The following IFI30 variants were observed in gnomAD, a reference collection of about 807,000 sequenced individuals.
The protein encoded by IFI30 is IFI30 lysosomal thiol reductase, also known as gamma-interferon-inducible lysosomal thiol reductase.
A neutral mutation model predicts 30.1 loss-of-function variants in IFI30; 26 were observed. The ratio of observed to expected loss-of-function variants is 0.87; its 90% confidence interval spans 0.63 to 1.20. The LOEUF (loss-of-function observed/expected upper bound fraction) is 1.20, where lower values mean the gene tolerates loss of function less well. Among genes scored for constraint, IFI30 ranks in the 50% most tolerant of loss-of-function variants. IFI30 has a pLI of 0.00. For synonymous variants in IFI30, 149 were observed against 134.5 expected, an observed-to-expected ratio of 1.11 and a Z score of -0.75; for missense variants, 296 against 312.5, an observed-to-expected ratio of 0.95 and a Z score of 0.40.
intron 3 of IFI30, 25 bp from the exon 4 acceptor site, chr19:18,175,580 C>G (rs750753249): frequency 6.3e-7 from 1 of 1,590,152 alleles, no homozygotes. Context: ...TTCATGCCCT[C>G]TCCTGCCCCC....
intron 1 of IFI30, 171 bp from the exon 2 acceptor site, chr19:18,174,868 CA>C (rs368913279): frequency 0.25 from 117,932 of 472,860 alleles, 271 homozygotes; most frequent in South Asian, 0.29. Flanking sequence ...GACTCCATCT[CA>C]AAAAAAAAAA....
intron 1 of IFI30, chr19:18,174,491 C>T (rs1967240330): frequency 6.3e-6 from 1 of 158,618 alleles, no homozygotes; most frequent in Non-Finnish European, 1.4e-5. Flanking sequence ...TATTAGGTGC[C>T]GCCTCTATTC....
chr19:18,174,771 C>G (rs1967245039), intron 1 of IFI30: 5 of 398,648 alleles, frequency 1.3e-5, no homozygotes, highest in Middle Eastern at 7.0e-4. Context: ...ACTCAGGAGG[C>G]TGAGGCAGGA....
At position 18,175,231 on chromosome 19, in the gene IFI30, G is replaced by A; in HGVS notation, c.315+9G>A. On this transcript the variant is annotated intron_variant, in intron 2 of 6. Coordinates refer to ENST00000407280, the MANE Select transcript of IFI30 (RefSeq NM_006332.5). ...CCTACGGAAACGCACAGGTGTGTGG[G>A]CGCTGGGGAAACTGAGGCACGTGGG... The A allele has an allele frequency of 6.3e-7, 1 of 1,578,282 alleles. No homozygotes were observed. The highest frequency in any genetic ancestry group is 1.9e-5 in the Admixed American group (1 of 53,258).
At chr19:18,177,391 T>C (rs1190247711) in intron 5 of IFI30, 99 bp downstream of exon 5, 1 of 1,364,804 alleles carries the variant, frequency 7.3e-7, no homozygotes, top group East Asian at 2.5e-5. Flanking sequence ...CAGGCGGAGG[T>C]TGCAGTGAGC....
At position 18,173,989 on chromosome 19, in the gene IFI30, G is replaced by T; in HGVS notation, c.132+16G>T. 1.3e-6 allele frequency: 2 copies of T among 1,546,884 alleles called. No individual in the cohort carries two copies. The highest frequency in any genetic ancestry group is 1.7e-6 in the Non-Finnish European group (2 of 1,144,840). On this transcript the variant is annotated intron_variant, in intron 1 of 6. Transcript: ENST00000407280. ...TAACTACAAGGTAGGGACGGCGACA[G>T]GGCGGGCAGGCTGGAGGGAACAGGC...
At chr19:18,174,092 C>T in intron 1 of IFI30, 119 bp downstream of exon 1, 1 of 979,284 alleles carries the variant, frequency 1.0e-6, no homozygotes, top group South Asian at 1.7e-5. Flanking sequence ...GGACGCTGTC[C>T]CTGCCGGGTT....
intron 5 of IFI30, chr19:18,177,506 A>G (rs2147967602): frequency 1.3e-6 from 1 of 762,334 alleles, no homozygotes; most frequent in Non-Finnish European, 2.2e-6. Context: ...GGTGAGTAGG[A>G]GTCCATCAGG....
chr19:18,177,461 T>C (rs948419031), intron 5 of IFI30, 169 bp downstream of exon 5: 4 of 840,900 alleles, frequency 4.8e-6, no homozygotes, highest in Middle Eastern at 2.8e-4. Context: ...TAGCTTTGCA[T>C]AGGGAAAGAG....
chr19:18,177,263 G>A lies in IFI30; in HGVS notation c.607G>A (p.Glu203Lys), dbSNP rs562635047. The change falls in exon 5 of 7, where the codon GAG (glutamate) becomes AAG (lysine). Residue 203 changes from glutamate to lysine, a missense_variant. Glu to Lys is a moderately conservative substitution (Grantham distance 56, BLOSUM62 1). Coordinates refer to ENST00000407280, the MANE Select transcript of IFI30 (RefSeq NM_006332.5). ...GACAGATGCTCTCCAGCCACCACAC[G>A]AGTATGTGCCCTGGGTCACCGTCAA... Reference protein sequence around the residue: ...QRTDALQPPHEYVPWVTVNGK... With the variant: ...QRTDALQPPHKYVPWVTVNGK... 8.8e-6 allele frequency: 14 copies of A among 1,586,194 alleles called. No individual in the cohort carries two copies. The highest frequency in any genetic ancestry group is 5.8e-5 in the South Asian group (5 of 86,876).
Position 18,177,878 on chromosome 19 carries a change from A to C in IFI30, c.720A>C (p.Ser240=). Residue 240 remains serine (S), a synonymous_variant, in exon 7 of 7, where the codon TCA becomes TCC. Transcript: ENST00000407280. The part of the protein sequence containing the change: ...QGKKPDVCPS[S]TSSLRSVCFK ...AGAAGCCGGATGTCTGCCCTTCCTC[A>C]ACCAGCTCCCTCAGGAGTGTTTGCT... The C allele has an allele frequency of 6.3e-7, 1 of 1,597,380 alleles. No individual in the cohort carries two copies. The highest frequency in any genetic ancestry group is 1.1e-5 in the South Asian group (1 of 88,222).
rs371344389 is a variant in IFI30 at position 18,175,639 on chromosome 19, C to T, written c.425C>T (p.Ala142Val). The stretch of plus-strand genomic sequence containing the variant: ...TTGGATGAACTTGACATGGAGCTAG[C>T]CTTCCTGACCATTGTCTGCATGGAA... ...CVLDELDMEL[A>V]FLTIVCMEEF... The change falls in exon 4 of 7, where the codon GCC becomes GTC. Residue 142 changes from alanine to valine, a missense_variant. By Grantham distance (64) the Ala-to-Val change is moderately conservative. Transcript: ENST00000407280. 7.4e-6 allele frequency: 12 copies of T among 1,610,752 alleles called. No homozygotes were observed. The highest frequency in any genetic ancestry group is 1.0e-5 in the Non-Finnish European group (12 of 1,178,562).
intron 1 of IFI30, 93 bp downstream of exon 1, chr19:18,174,066 G>A: frequency 8.1e-7 from 1 of 1,237,900 alleles, no homozygotes; most frequent in South Asian, 1.5e-5. Flanking sequence ...CACAGGGGAA[G>A]ACCAGGGCCC....
rs535506333 is a variant in IFI30 at position 18,177,060 on chromosome 19, C to T, written c.484-80C>T. On this transcript the variant is annotated intron_variant, in intron 4 of 6. Coordinates refer to ENST00000407280, the MANE Select transcript of IFI30 (RefSeq NM_006332.5). ...ACCCTCTTCTCAGTGACGAAACAGG[C>T]TTGGCTCAGGGCTGGTGGGCGGGAC... 9 of 1,402,658 alleles carry T rather than the reference C, an allele frequency of 6.4e-6. No individual in the cohort carries two copies. In the South Asian group the frequency reaches 1.3e-4, roughly 20 times the overall value. The allele number at this position is 1,402,658 out of a possible 1,614,324, so 86.9% of individuals were successfully genotyped here.
intron 1 of IFI30, 152 bp from the exon 2 acceptor site, chr19:18,174,888 T>A: frequency 3.5e-6 from 2 of 572,680 alleles, no homozygotes; most frequent in Non-Finnish European, 6.0e-6. Flanking sequence ...AAAAAAAGTC[T>A]CAAAGTCAAG....
At chr19:18,174,908 G>A (rs1967247564) in intron 1 of IFI30, 132 bp from the exon 2 acceptor site, 2 of 660,884 alleles carry the variant, frequency 3.0e-6, no homozygotes, top group Admixed American at 6.4e-5. Context: ...GATTCCACCT[G>A]GCAAGTTCTG....
chr19:18,176,387 C>A (rs1278081533), intron 4 of IFI30, among the ~76,000 whole-genome samples: 1 of 151,898 alleles, frequency 6.6e-6, no homozygotes, highest in Non-Finnish European at 1.5e-5. Context: ...CTCCTGACCT[C>A]AAGTTATCCG....
Position 18,175,117 on chromosome 19 carries a change from A to C in IFI30, c.210A>C (p.Ala70=). ...TCAATGTGACCCTCTACTATGAAGC[A>C]CTGTGCGGTGGCTGCCGAGCCTTCC... ...PLVNVTLYYE[A]LCGGCRAFLI... is the part of the protein sequence containing the mutation. Residue 70 remains alanine (A), a synonymous_variant, in exon 2 of 7, where the codon GCA becomes GCC. Coordinates refer to ENST00000407280, the MANE Select transcript of IFI30 (RefSeq NM_006332.5). The C allele has an allele frequency of 6.2e-6, 10 of 1,613,508 alleles. No homozygotes were observed. Among genetic ancestry groups the C allele is most frequent in the Non-Finnish European group, 8.5e-6 (10 of 1,179,704 alleles).
rs1486602020 is a variant in IFI30 at position 18,177,701 on chromosome 19, C to T, written c.637-10C>T. 6.2e-7 allele frequency: 1 copy of T among 1,613,592 alleles called. No individual in the cohort carries two copies. Among genetic ancestry groups the T allele is most frequent in the Admixed American group, 1.7e-5 (1 of 59,946 alleles). On this transcript the variant is annotated splice_polypyrimidine_tract_variant and intron_variant, in intron 5 of 6. Coordinates refer to ENST00000407280, the MANE Select transcript of IFI30 (RefSeq NM_006332.5). ...CTGGGAATATGCGACCCCTGTCTTGCTTTGTGCAGAAACCCTTGGAAGATC... is the reference window on the plus strand; with the variant it reads ...CTGGGAATATGCGACCCCTGTCTTGTTTTGTGCAGAAACCCTTGGAAGATC...
Sources: allele counts gnomAD v4.1 joint callset (sites outside exome capture counted in the v4.1 genomes callset), GRCh38; gene constraint gnomAD v4.1.1; transcripts MANE v1.5; gene names NCBI Gene and HGNC (gene_info 2026-07-23, HGNC 2026-07-21).